MAGI1: variants seen among roughly 807,000 people sequenced by gnomAD.
The protein encoded by MAGI1 is membrane associated guanylate kinase, WW and PDZ domain containing 1, also known as membrane-associated guanylate kinase, WW and PDZ domain-containing protein 1.
A neutral mutation model predicts 139.9 loss-of-function variants in MAGI1; 58 were observed. The observed-to-expected ratio is 0.41, with a 90% CI of 0.34 to 0.52. MAGI1 has a LOEUF of 0.52. Among genes scored for constraint, MAGI1 ranks in the 20% least tolerant of loss-of-function variants. The probability of loss-of-function intolerance (pLI) is 0.12; values close to 1 mark genes in which losing one functional copy is unlikely to be tolerated. For missense variants in MAGI1, 1,874 were observed against 1,901.6 expected, an observed-to-expected ratio of 0.99 and a Z score of 0.27; for synonymous variants, 812 against 737.9, an observed-to-expected ratio of 1.10 and a Z score of -1.63.
At chr3:65,593,830 GA>G (rs1303616405) in intron 2 of MAGI1, among the ~76,000 whole-genome samples, 9 of 152,268 alleles carry the variant, frequency 5.9e-5, no homozygotes, top group African/African-American at 2.2e-4. Context: ...TATTGAAAGA[GA>G]AATAATTTAA....
intron 2 of MAGI1, among the ~76,000 whole-genome samples, chr3:65,509,619 G>A (rs1215424624): frequency 4.6e-5 from 7 of 152,194 alleles, no homozygotes; most frequent in East Asian, 3.9e-4. Context: ...GGCGAACCAC[G>A]AGATTATATC....
At chr3:65,855,017 A>G (rs2059326370) in intron 1 of MAGI1, among the ~76,000 whole-genome samples, 1 of 152,222 alleles carries the variant, frequency 6.6e-6, no homozygotes, top group Admixed American at 6.5e-5. Flanking sequence ...GAGGGGATGG[A>G]TGGTGCTGGC....
At chr3:65,586,806 C>T (rs559795775) in intron 2 of MAGI1, among the ~76,000 whole-genome samples, 1 of 151,508 alleles carries the variant, frequency 6.6e-6, no homozygotes, top group African/African-American at 2.4e-5. Context: ...AGTTGGCAAG[C>T]AGAACAGTTC....
chr3:65,519,655 A>G (rs1157636218), intron 2 of MAGI1, among the ~76,000 whole-genome samples: 1 of 152,184 alleles, frequency 6.6e-6, no homozygotes, highest in Non-Finnish European at 1.5e-5. Context: ...AAGTGATGGA[A>G]TTACAGGCAT....
At chr3:65,506,238 T>G (rs1404551) in intron 2 of MAGI1, among the ~76,000 whole-genome samples, 127,183 of 152,092 alleles carry the variant, frequency 0.84, 53,339 homozygotes, top group East Asian at 0.97. Flanking sequence ...ATAATAATAA[T>G]GCATGCCTCA....
intron 1 of MAGI1, among the ~76,000 whole-genome samples, chr3:65,655,107 A>T (rs766146965): frequency 6.6e-6 from 1 of 152,172 alleles, no homozygotes; most frequent in African/African-American, 2.4e-5. Context: ...TATTACACAC[A>T]GTGTGTCTTC....
chr3:65,835,972 T>A (rs902374274), intron 1 of MAGI1, among the ~76,000 whole-genome samples: 2 of 152,084 alleles, frequency 1.3e-5, no homozygotes, highest in Admixed American at 6.6e-5. Context: ...AGAACTGAAG[T>A]CCACATCACT....
At chr3:65,780,465 C>T (rs2038841443) in intron 1 of MAGI1, among the ~76,000 whole-genome samples, 2 of 152,148 alleles carry the variant, frequency 1.3e-5, no homozygotes, top group African/African-American at 4.8e-5. Context: ...GAGATTCAAA[C>T]GACTAACAAT....
rs56026417 is a variant in MAGI1 at position 65,621,917 on chromosome 3, T to TCACACACACACACACACACACA, written c.430+33_430+54dup. 8.1e-5 allele frequency: 80 copies of TCACACACACACACACACACACA among 986,780 alleles called. 1 individual carries two copies. In the African/African-American group the frequency reaches 8.5e-4, roughly 10 times the overall value. 61.1% of individuals were successfully genotyped at this position (986,780 alleles called of 1,614,324 possible). ...AGATCTCCTTTCTCCCCTGGACTTT[T>TCACACACACACACACACACACA]CACACACACACACACACACACACAG... On this transcript the variant is annotated intron_variant, in intron 2 of 22. Transcript: ENST00000402939.
intron 1 of MAGI1, among the ~76,000 whole-genome samples, chr3:66,014,933 C>G (rs1169379227): frequency 3.9e-5 from 6 of 152,184 alleles, no homozygotes; most frequent in Admixed American, 2.0e-4. Flanking sequence ...ATACTACCTT[C>G]CCCTTAAGGC....
At chr3:65,899,072 C>G (rs1362495880) in intron 1 of MAGI1, among the ~76,000 whole-genome samples, 1 of 152,052 alleles carries the variant, frequency 6.6e-6, no homozygotes, top group Non-Finnish European at 1.5e-5. Flanking sequence ...CAGGCACACA[C>G]CACCACCACG....
intron 1 of MAGI1, among the ~76,000 whole-genome samples, chr3:65,767,289 C>T (rs1559862597): frequency 6.6e-6 from 1 of 151,872 alleles, no homozygotes; most frequent in Non-Finnish European, 1.5e-5. Flanking sequence ...TTCTGACTCA[C>T]CCACAGTTTA....
intron 2 of MAGI1, among the ~76,000 whole-genome samples, chr3:65,568,057 A>G (rs1041376330): frequency 3.3e-5 from 5 of 152,176 alleles, no homozygotes; most frequent in African/African-American, 1.2e-4. Flanking sequence ...TTCAAAGCAC[A>G]GTCCTAAGGG....
At chr3:65,589,705 T>TA (rs1007147365) in intron 2 of MAGI1, among the ~76,000 whole-genome samples, 16 of 150,462 alleles carry the variant, frequency 1.1e-4, no homozygotes, top group South Asian at 2.1e-4. Context: ...AAAGCAGCCA[T>TA]AAAAAAAAAT....
At chr3:65,486,546 A>G (rs1368036577) in intron 3 of MAGI1, among the ~76,000 whole-genome samples, 4 of 152,382 alleles carry the variant, frequency 2.6e-5, no homozygotes, top group African/African-American at 9.6e-5. Flanking sequence ...ACCATATCAA[A>G]TAAATAAGCT....
intron 1 of MAGI1, among the ~76,000 whole-genome samples, chr3:65,951,866 C>T (rs1429588861): frequency 6.6e-6 from 1 of 152,128 alleles, no homozygotes; most frequent in Non-Finnish European, 1.5e-5. Flanking sequence ...TTATACTGAA[C>T]TGTAGTGAGC....
intron 10 of MAGI1, 110 bp from the exon 11 acceptor site, chr3:65,430,991 T>TC: frequency 1.1e-5 from 11 of 986,998 alleles, no homozygotes; most frequent in Non-Finnish European, 1.5e-5. Context: ...CCCTAGAGCC[T>TC]TTGGGCATAT....
chr3:65,439,376 G>A (rs1384289788), intron 9 of MAGI1, among the ~76,000 whole-genome samples: 1 of 152,116 alleles, frequency 6.6e-6, no homozygotes, highest in Non-Finnish European at 1.5e-5. Flanking sequence ...GCAACCAGGG[G>A]AGAATTTAAT....
At chr3:65,872,879 G>A (rs1454191335) in intron 1 of MAGI1, 1 of 152,110 alleles carries the variant, frequency 6.6e-6, no homozygotes, top group Non-Finnish European at 1.5e-5. Flanking sequence ...GGTAATAGAA[G>A]AACCGGAACA....
Sources: gnomAD v4.1 joint callset for allele counts (sites outside exome capture counted in the v4.1 genomes callset) on GRCh38, gnomAD v4.1.1 for gene constraint, MANE v1.5 for transcripts, NCBI Gene and HGNC (gene_info 2026-07-23, HGNC 2026-07-21) for gene names.